MROH7: variants seen among roughly 807,000 people sequenced by gnomAD.
MROH7 encodes maestro heat-like repeat-containing protein family member 7.
MROH7 carries 113 observed loss-of-function variants against 129.2 expected under a neutral mutation model. That is an observed-to-expected ratio of 0.87 (90% CI 0.75 to 1.02). The LOEUF is 1.02. Ranked by LOEUF, MROH7 falls within the 50% of genes least tolerant of loss-of-function variation. The pLI is 0.00. For missense variants in MROH7, 1,601 were observed against 1,671.3 expected, an observed-to-expected ratio of 0.96 and a Z score of 0.73; for synonymous variants, 655 against 667.9, an observed-to-expected ratio of 0.98 and a Z score of 0.30.
At position 54,665,165 on chromosome 1, in the gene MROH7, A is replaced by C. The variant is rs201380455; in HGVS notation, c.1232-2A>C. The stretch of plus-strand genomic sequence containing the variant: ...CCTTCTCATTGAAATCGTGCCCTGC[A>C]GGAGCCTTTGATGAAGTGACCTCAT... On this transcript the variant is annotated splice_acceptor_variant, in intron 3 of 23. Transcript: ENST00000421030. LOFTEE classifies it high-confidence loss of function. 5.6e-6 allele frequency: 9 copies of C among 1,613,494 alleles called. No individual in the cohort carries two copies. The highest frequency in any genetic ancestry group is 1.1e-5 in the South Asian group (1 of 91,066).
intron 3 of MROH7, chr1:54,659,069 CTG>C (rs758186364): frequency 4.6e-6 from 2 of 430,926 alleles, no homozygotes; most frequent in South Asian, 3.3e-5. Context: ...ACTGTATTTA[CTG>C]TGTGTGGTTT....
intron 3 of MROH7, among the ~76,000 whole-genome samples, chr1:54,659,713 A>G (rs1243479994): frequency 2.0e-5 from 3 of 152,180 alleles, no homozygotes; most frequent in Non-Finnish European, 4.4e-5. Flanking sequence ...TCGGCCTCCC[A>G]AAGTGCCAGG....
intron 3 of MROH7, chr1:54,659,012 C>A (rs1644690057): frequency 2.8e-6 from 1 of 351,902 alleles, no homozygotes; most frequent in Non-Finnish European, 5.5e-6. Context: ...TTTGCATCAC[C>A]ATAGACTAGT....
At chr1:54,643,934 A>C (rs1402189199) in intron 1 of MROH7, among the ~76,000 whole-genome samples, 7 of 152,266 alleles carry the variant, frequency 4.6e-5, no homozygotes, top group Admixed American at 4.6e-4. Context: ...CTGTTATTCA[A>C]ATTGGTGTTC....
intron 10 of MROH7, among the ~76,000 whole-genome samples, chr1:54,675,994 A>G (rs1345101375): frequency 6.6e-6 from 1 of 152,062 alleles, no homozygotes; most frequent in Non-Finnish European, 1.5e-5. Context: ...GAAATTATAG[A>G]CCCAATTAGG....
intron 21 of MROH7, 60 bp from the exon 22 acceptor site, chr1:54,706,375 G>A (rs1645533708): frequency 8.0e-7 from 1 of 1,251,402 alleles, no homozygotes; most frequent in Non-Finnish European, 1.2e-6. Flanking sequence ...TTCAAGAAGG[G>A]TGGATGGGCA....
chr1:54,706,876 G>C lies in MROH7; in HGVS notation c.3667+339G>C, dbSNP rs138035800. Among the ~76,000 whole-genome samples, 476 of 152,260 alleles carry C rather than the reference G, an allele frequency of 3.1e-3. 2 individuals carry two copies. The highest frequency in any genetic ancestry group is 0.02 in the Middle Eastern group (6 of 294). On this transcript the variant is annotated intron_variant, in intron 22 of 23. Transcript: ENST00000421030. ...AATCCCCCATTGACAGCAGCAGGAGGGGCCAAGCAGCATGGTGAAAAGAGT... is the reference window on the plus strand; with the variant it reads ...AATCCCCCATTGACAGCAGCAGGAGCGGCCAAGCAGCATGGTGAAAAGAGT...
chr1:54,674,286 G>C (rs1294076850), intron 10 of MROH7, 135 bp downstream of exon 10: 2 of 965,322 alleles, frequency 2.1e-6, no homozygotes, highest in Non-Finnish European at 3.0e-6. Context: ...GGCCAGATGG[G>C]GACTGTGGAA....
intron 15 of MROH7, among the ~76,000 whole-genome samples, chr1:54,687,056 ATTT>A (rs1645159681): frequency 8.3e-6 from 1 of 120,410 alleles, no homozygotes; most frequent in Non-Finnish European, 1.9e-5. Flanking sequence ...TTATTTATTT[ATTT>A]ATTTATTTAT....
chr1:54,676,700 T>C (rs6698849), intron 10 of MROH7, among the ~76,000 whole-genome samples: 2,385 of 150,442 alleles, frequency 0.016, 59 homozygotes, highest in African/African-American at 0.056. Context: ...TGGCCCAGCT[T>C]ATTTAATTTT....
At chr1:54,685,709 C>T (rs192202762) in intron 14 of MROH7, among the ~76,000 whole-genome samples, 26 of 152,276 alleles carry the variant, frequency 1.7e-4, no homozygotes, top group African/African-American at 5.8e-4. Context: ...TGTTGTTTCT[C>T]TTGGCTGCTG....
At chr1:54,704,303 AGTG>A (rs1249383112) in intron 21 of MROH7, among the ~76,000 whole-genome samples, 5 of 152,020 alleles carry the variant, frequency 3.3e-5, no homozygotes, top group African/African-American at 1.2e-4. Context: ...GTGGTGTGGA[AGTG>A]GTGGTCCCTG....
chr1:54,674,094 G>A lies in MROH7; in HGVS notation c.1879G>A (p.Gly627Ser). 24 of 1,614,068 alleles carry A rather than the reference G, an allele frequency of 1.5e-5. No individual in the cohort carries two copies. Among genetic ancestry groups the A allele is most frequent in the Non-Finnish European group, 2.0e-5 (24 of 1,179,950 alleles). ...LHIGDPDEEI[G>S]CEALDGIIIL... Reference sequence around the variant, plus strand: ...CATTGGGGATCCTGATGAGGAGATTGGCTGTGAGGCTCTGGACGGCATCAT... The same window carrying A: ...CATTGGGGATCCTGATGAGGAGATTAGCTGTGAGGCTCTGGACGGCATCAT... The change falls in exon 10 of 24, where the codon GGC becomes AGC. Residue 627 changes from glycine (G) to serine (S), a missense_variant. Gly to Ser is a moderately conservative substitution (Grantham distance 56, BLOSUM62 0). Coordinates refer to ENST00000421030, the MANE Select transcript of MROH7 (RefSeq NM_001039464.4).
Position 54,682,795 on chromosome 1 carries a change from G to A in MROH7, c.2520+1G>A, listed in dbSNP as rs747077260. On this transcript the variant is annotated splice_donor_variant, in intron 14 of 23. Coordinates refer to ENST00000421030, the MANE Select transcript of MROH7 (RefSeq NM_001039464.4). LOFTEE classifies it high-confidence loss of function. ...CCGGGCTTCCATCGTGCCCCTGGCGGTGAGCACCCAGTCAGCCAGCCCCTA... is the reference window on the plus strand; with the variant it reads ...CCGGGCTTCCATCGTGCCCCTGGCGATGAGCACCCAGTCAGCCAGCCCCTA... The A allele has an allele frequency of 6.2e-7, 1 of 1,610,330 alleles. No homozygotes were observed. The highest frequency in any genetic ancestry group is 1.1e-5 in the South Asian group (1 of 90,874).
In MROH7 at chr1:54,679,452, G is replaced by T. The variant is rs1428108065; in HGVS notation, c.2226+13G>T. On this transcript the variant is annotated intron_variant, in intron 12 of 23. Coordinates refer to ENST00000421030, the MANE Select transcript of MROH7 (RefSeq NM_001039464.4). ...GGCGCTGGAGGTGGTAAGGCCTCCT[G>T]GGGGCAGGGAGTGAACTGTCACTGG... 6.2e-7 allele frequency: 1 copy of T among 1,609,754 alleles called. No individual in the cohort carries two copies. Among genetic ancestry groups the T allele is most frequent in the African/African-American group, 1.3e-5 (1 of 74,848 alleles).
At chr1:54,672,508 G>A (rs948552851) in intron 7 of MROH7, among the ~76,000 whole-genome samples, 1 of 152,138 alleles carries the variant, frequency 6.6e-6, no homozygotes. Flanking sequence ...TAAGGGATGA[G>A]AAACCTAGGC....
At chr1:54,648,435 G>A (rs1192780300) in intron 1 of MROH7, among the ~76,000 whole-genome samples, 1 of 151,420 alleles carries the variant, frequency 6.6e-6, no homozygotes, top group Non-Finnish European at 1.5e-5. Flanking sequence ...GCGCAATCTC[G>A]GCTCACTGCA....
Position 54,665,161 on chromosome 1 carries a change from C to G in MROH7, c.1232-6C>G, listed in dbSNP as rs771177559. 2.4e-5 allele frequency: 39 copies of G among 1,612,984 alleles called. No homozygotes were observed. Among genetic ancestry groups the G allele is most frequent in the Admixed American group, 1.5e-4 (9 of 59,958 alleles). The stretch of plus-strand genomic sequence containing the variant: ...TCCACCTTCTCATTGAAATCGTGCC[C>G]TGCAGGAGCCTTTGATGAAGTGACC... On this transcript the variant is annotated splice_polypyrimidine_tract_variant and splice_region_variant and intron_variant, in intron 3 of 23. Transcript: ENST00000421030.
intron 5 of MROH7, among the ~76,000 whole-genome samples, chr1:54,670,155 AC>A: frequency 1.3e-5 from 2 of 151,886 alleles, no homozygotes; most frequent in Middle Eastern, 6.8e-3. Flanking sequence ...TTTGCTTTGG[AC>A]CAGTTCCATA....
Sources: gnomAD v4.1 joint callset for allele counts (sites outside exome capture counted in the v4.1 genomes callset) on GRCh38, gnomAD v4.1.1 for gene constraint, MANE v1.5 for transcripts, NCBI Gene and HGNC (gene_info 2026-07-23, HGNC 2026-07-21) for gene names.